Variants in FRMD4B observed in about 807,000 individuals in gnomAD.
FRMD4B encodes FERM domain containing 4B.
In FRMD4B, 74 loss-of-function variants were observed where a neutral mutation model predicts 141.5. That is an observed-to-expected ratio of 0.52 (90% CI 0.43 to 0.63). FRMD4B has a LOEUF of 0.63. FRMD4B is among the 30% of genes least tolerant of loss of function. The probability of loss-of-function intolerance (pLI) is 0.00; values close to 1 mark genes in which losing one functional copy is unlikely to be tolerated. For synonymous variants in FRMD4B, 506 were observed against 467.9 expected (o/e 1.08, Z -1.05); for missense variants, 1,366 against 1,253.4 (o/e 1.09, Z -1.36).
intron 2 of FRMD4B, among the ~76,000 whole-genome samples, chr3:69,413,733 A>G (rs1161498125): frequency 6.6e-6 from 1 of 152,090 alleles, no homozygotes; most frequent in African/African-American, 2.4e-5. Context: ...TGACGCATTC[A>G]CCACACGTCC....
intron 8 of FRMD4B, among the ~76,000 whole-genome samples, chr3:69,222,261 A>G (rs1317691253): frequency 3.3e-5 from 5 of 151,628 alleles, no homozygotes; most frequent in Non-Finnish European, 7.4e-5. Context: ...AGGTCAGGAG[A>G]TTGAGACCAT....
At chr3:69,340,805 G>T (rs1379239439) in intron 1 of FRMD4B, among the ~76,000 whole-genome samples, 2 of 152,006 alleles carry the variant, frequency 1.3e-5, no homozygotes, top group Non-Finnish European at 2.9e-5. Flanking sequence ...TTTCACTATT[G>T]TGATTAAATA....
At chr3:69,346,472 T>C (rs1702947425) in intron 1 of FRMD4B, among the ~76,000 whole-genome samples, 1 of 151,872 alleles carries the variant, frequency 6.6e-6, no homozygotes, top group Non-Finnish European at 1.5e-5. Flanking sequence ...ATTCAGGAAA[T>C]ACAGAGAATG....
chr3:69,424,208 C>T (rs1037738701), intron 2 of FRMD4B, among the ~76,000 whole-genome samples: 3 of 152,100 alleles, frequency 2.0e-5, no homozygotes, highest in Admixed American at 2.0e-4. Flanking sequence ...AACTTATTTC[C>T]CCCTAGGTGT....
chr3:69,308,463 G>A (rs1393672027), intron 3 of FRMD4B, among the ~76,000 whole-genome samples: 2 of 150,086 alleles, frequency 1.3e-5, no homozygotes, highest in African/African-American at 4.9e-5. Context: ...TTTGGGACAG[G>A]ATCTCACTCT....
intron 5 of FRMD4B, among the ~76,000 whole-genome samples, chr3:69,284,133 G>C (rs1043697520): frequency 2.0e-5 from 3 of 152,138 alleles, no homozygotes; most frequent in African/African-American, 4.8e-5. Context: ...AAACACAGCA[G>C]AACACAGTGA....
At chr3:69,236,394 A>G (rs898331434) in intron 7 of FRMD4B, among the ~76,000 whole-genome samples, 5 of 151,872 alleles carry the variant, frequency 3.3e-5, no homozygotes, top group African/African-American at 1.2e-4. Flanking sequence ...ATGCCCGGGT[A>G]ATTTTTATAT....
At chr3:69,507,657 G>A (rs1233287145) in intron 1 of FRMD4B, among the ~76,000 whole-genome samples, 1 of 152,082 alleles carries the variant, frequency 6.6e-6, no homozygotes, top group Non-Finnish European at 1.5e-5. Context: ...TTGCACCATG[G>A]TGTTTCTTGT....
At chr3:69,419,175 A>G (rs1704926661) in intron 2 of FRMD4B, among the ~76,000 whole-genome samples, 1 of 152,050 alleles carries the variant, frequency 6.6e-6, no homozygotes, top group Non-Finnish European at 1.5e-5. Context: ...GTGAGTTTTC[A>G]CCTAACTATT....
chr3:69,251,329 G>A (rs1269663766), intron 5 of FRMD4B, among the ~76,000 whole-genome samples: 1 of 152,162 alleles, frequency 6.6e-6, no homozygotes, highest in Non-Finnish European at 1.5e-5. Context: ...TCAATGGGGA[G>A]ATTAAGTCTT....
At chr3:69,268,969 C>T (rs1003130089) in intron 5 of FRMD4B, among the ~76,000 whole-genome samples, 2 of 146,986 alleles carry the variant, frequency 1.4e-5, no homozygotes, top group Non-Finnish European at 3.0e-5. Flanking sequence ...GCTCTTGTTG[C>T]CCAGGATGGA....
At chr3:69,509,566 G>A (rs547372629) in intron 1 of FRMD4B, among the ~76,000 whole-genome samples, 29 of 152,236 alleles carry the variant, frequency 1.9e-4, no homozygotes, top group African/African-American at 6.0e-4. Flanking sequence ...TCTCAGAAAC[G>A]TGGGTCTAAA....
chr3:69,362,390 T>C (rs1052284375), intron 1 of FRMD4B, among the ~76,000 whole-genome samples: 3 of 152,216 alleles, frequency 2.0e-5, no homozygotes, highest in African/African-American at 4.8e-5. Flanking sequence ...CAATTGTTAA[T>C]TGGAATCCTT....
intron 1 of FRMD4B, among the ~76,000 whole-genome samples, chr3:69,447,133 C>T (rs1490515930): frequency 2.0e-5 from 3 of 152,168 alleles, no homozygotes; most frequent in African/African-American, 4.8e-5. Flanking sequence ...AAGGTAATTC[C>T]ACTCTGACTT....
chr3:69,345,174 A>G (rs1242449348), intron 1 of FRMD4B, among the ~76,000 whole-genome samples: 1 of 152,240 alleles, frequency 6.6e-6, no homozygotes, highest in Non-Finnish European at 1.5e-5. Flanking sequence ...AGCAAATGGC[A>G]CACCAGGAGA....
chr3:69,252,735 G>A (rs2093471075), intron 5 of FRMD4B, among the ~76,000 whole-genome samples: 1 of 152,164 alleles, frequency 6.6e-6, no homozygotes, highest in Admixed American at 6.5e-5. Context: ...AGTGCCGTCT[G>A]CCCAGGACAG....
chr3:69,203,320 C>CAAAAAAAAAAAAAAAAAAAAAAAAA (rs796607832), intron 11 of FRMD4B, among the ~76,000 whole-genome samples: 3 of 107,898 alleles, frequency 2.8e-5, no homozygotes, highest in East Asian at 3.4e-4. Context: ...CAAACTTCAG[C>CAAAAAAAAAAAAAAAAAAAAAAAAA]AAAAAAAAAA....
intron 1 of FRMD4B, among the ~76,000 whole-genome samples, chr3:69,493,525 T>C (rs1447666463): frequency 1.3e-5 from 2 of 152,326 alleles, no homozygotes; most frequent in South Asian, 2.1e-4. Context: ...AATGGAAGGT[T>C]AGGTACAAAG....
chr3:69,199,798 G>C (rs1559710110), intron 11 of FRMD4B, among the ~76,000 whole-genome samples: 2 of 152,190 alleles, frequency 1.3e-5, no homozygotes, highest in Non-Finnish European at 2.9e-5. Context: ...ATGTGCATTT[G>C]AAAACCAAAT....
Sources: gnomAD v4.1 joint callset for allele counts (sites outside exome capture counted in the v4.1 genomes callset) on GRCh38, gnomAD v4.1.1 for gene constraint, MANE v1.5 for transcripts, NCBI Gene and HGNC (gene_info 2026-07-23, HGNC 2026-07-21) for gene names.